Variants in UNC13B observed in about 807,000 individuals in gnomAD.
The protein encoded by UNC13B is protein unc-13 homolog B.
Under a neutral mutation model 211.0 loss-of-function variants are expected in UNC13B, and 144 were observed. The observed-to-expected ratio is 0.68, with a 90% CI of 0.60 to 0.78. UNC13B has a LOEUF of 0.78. Ranked by LOEUF, UNC13B falls within the 30% of genes least tolerant of loss-of-function variation. The probability of loss-of-function intolerance (pLI) is 0.00; values close to 1 mark genes in which losing one functional copy is unlikely to be tolerated. For missense variants in UNC13B, 1,777 were observed against 2,002.0 expected (o/e 0.89, Z 2.14); for synonymous variants, 709 against 725.8 (o/e 0.98, Z 0.37).
intron 11 of UNC13B, among the ~76,000 whole-genome samples, chr9:35,346,678 A>G (rs531360507): frequency 6.6e-6 from 1 of 152,234 alleles, no homozygotes; most frequent in East Asian, 1.9e-4. Context: ...ACAGAAAGGT[A>G]TGGTTTTTGT....
At position 35,399,201 on chromosome 9, in the gene UNC13B, A is replaced by G; in HGVS notation, c.12115A>G (p.Lys4039Glu). ...CACTGTGTGTGAGAAGACGGTTCTG[A>G]AGCGTGTACTGAAGGAGCTCTGGCG... The part of the protein sequence containing the change: ...FATVCEKTVL[K>E]RVLKELWRVV... Residue 4039 changes from lysine (K) to glutamate (E), a missense_variant, in exon 34 of 40, where the codon AAG (lysine) becomes GAG (glutamate). By Grantham distance (56) the Lys-to-Glu change is moderately conservative. Transcript: ENST00000635942. 1 of 1,614,066 alleles carries G rather than the reference A, an allele frequency of 6.2e-7. No individual in the cohort carries two copies. The highest frequency in any genetic ancestry group is 8.5e-7 in the Non-Finnish European group (1 of 1,180,000).
chr9:35,314,889 T>C (rs1830370341), intron 11 of UNC13B, among the ~76,000 whole-genome samples: 1 of 133,318 alleles, frequency 7.5e-6, no homozygotes, highest in African/African-American at 2.9e-5. Context: ...TTTTTTTTTT[T>C]TTTTTTTTTT....
intron 11 of UNC13B, among the ~76,000 whole-genome samples, chr9:35,360,085 T>C (rs915458777): frequency 2.0e-5 from 3 of 152,250 alleles, no homozygotes; most frequent in African/African-American, 4.8e-5. Context: ...AAAATACTTT[T>C]TCCCAGAACT....
At chr9:35,315,054 A>ATTT (rs1156782392) in intron 11 of UNC13B, among the ~76,000 whole-genome samples, 1 of 135,370 alleles carries the variant, frequency 7.4e-6, no homozygotes. Flanking sequence ...TTTAAAAAAA[A>ATTT]TTTTTTTTTT....
chr9:35,205,689 T>G (rs1046646359), intron 1 of UNC13B, among the ~76,000 whole-genome samples: 17 of 151,296 alleles, frequency 1.1e-4, no homozygotes, highest in African/African-American at 3.6e-4. Flanking sequence ...CTTAACATCA[T>G]TTTTTTAGGT....
chr9:35,173,554 G>T (rs1487598139), intron 1 of UNC13B, among the ~76,000 whole-genome samples: 1 of 151,814 alleles, frequency 6.6e-6, no homozygotes, highest in South Asian at 2.1e-4. Context: ...CTCGCGAGTA[G>T]TTGGGATTAC....
At chr9:35,331,310 G>A (rs1292275551) in intron 11 of UNC13B, among the ~76,000 whole-genome samples, 3 of 152,180 alleles carry the variant, frequency 2.0e-5, no homozygotes, top group African/African-American at 7.2e-5. Context: ...GTGTAGTGGC[G>A]TGATCTCGGC....
At chr9:35,358,384 A>G (rs906830002) in intron 11 of UNC13B, among the ~76,000 whole-genome samples, 1 of 152,182 alleles carries the variant, frequency 6.6e-6, no homozygotes, top group Non-Finnish European at 1.5e-5. Context: ...ACCATTTTCC[A>G]TGGTGGCTGC....
Position 35,303,585 on chromosome 9 carries a change from A to T in UNC13B, c.4181A>T (p.Asp1394Val). The T allele has an allele frequency of 2.5e-6, 1 of 398,746 alleles. No individual in the cohort carries two copies. The highest frequency in any genetic ancestry group is 4.4e-6 in the Non-Finnish European group (1 of 225,858). 24.7% of individuals were successfully genotyped at this position (398,746 alleles called of 1,614,324 possible). A position where few individuals can be genotyped will look rare whatever the true frequency, so the allele number is the denominator to read the frequency against. Residue 1394 changes from aspartate to valine, a missense_variant, in exon 9 of 40, where the codon GAC becomes GTC. Asp to Val is a radical substitution (Grantham distance 152, BLOSUM62 -3). Transcript: ENST00000635942. ...FLSADACLWLDSENSVINFCQ... is the reference protein window; with the variant it reads ...FLSADACLWLVSENSVINFCQ... ...TCAGCCGATGCTTGCTTGTGGCTTG[A>T]CTCAGAAAACTCAGTGATAAATTTT...
chr9:35,242,091 T>C (rs1825843615), intron 5 of UNC13B, among the ~76,000 whole-genome samples: 1 of 152,212 alleles, frequency 6.6e-6, no homozygotes, highest in African/African-American at 2.4e-5. Flanking sequence ...TTGATGTTTT[T>C]AAAAGGTGAG....
rs958540760 is a variant in UNC13B at position 35,167,048 on chromosome 9, A to G, written c.22+4743A>G. 2.7e-4 allele frequency among the ~76,000 whole-genome samples: 41 copies of G among 152,090 alleles called. 1 individual carries two copies. The highest frequency in any genetic ancestry group is 2.7e-3 in the Admixed American group (41 of 15,256). ...TTCTTAAAACATTATGAGATTTGTC[A>G]GCTATCATTAGTGTTAGTGTATTTT... On this transcript the variant is annotated intron_variant, in intron 1 of 39. Transcript: ENST00000635942.
chr9:35,238,501 T>C (rs1396707189), intron 5 of UNC13B, among the ~76,000 whole-genome samples: 1 of 152,190 alleles, frequency 6.6e-6, no homozygotes, highest in Non-Finnish European at 1.5e-5. Flanking sequence ...CTCCATGTTA[T>C]ACTTTAAGAT....
Position 35,381,728 on chromosome 9 carries a change from C to A in UNC13B, c.10655+9C>A. On this transcript the variant is annotated intron_variant, in intron 20 of 39. Coordinates refer to ENST00000635942, the MANE Select transcript of UNC13B (RefSeq NM_001371189.2). ...ATATATCAGGCCATGACGTGAGTCT[C>A]TGCTGCGGCACCGGGAAGTGGCTAC... is the stretch of plus-strand genomic sequence containing the variant. The A allele has an allele frequency of 6.2e-7, 1 of 1,612,046 alleles. No homozygotes were observed. The highest frequency in any genetic ancestry group is 1.1e-5 in the South Asian group (1 of 90,932).
rs1347159812 is a variant in UNC13B at position 35,376,239 on chromosome 9, G to A, written c.9827G>A (p.Cys3276Tyr). ...EKCQDLLNAD[C>Y]LQRAAEKSCK... Reference sequence around the variant, plus strand: ...TGCCAGGATCTGCTCAATGCTGACTGCCTGCAGCGTGAGTGCCCTGCGGGA... The same window carrying A: ...TGCCAGGATCTGCTCAATGCTGACTACCTGCAGCGTGAGTGCCCTGCGGGA... Residue 3276 changes from cysteine to tyrosine, a missense_variant, in exon 15 of 40, where the codon TGC becomes TAC. Transcript: ENST00000635942. 6.2e-7 allele frequency: 1 copy of A among 1,613,452 alleles called. No homozygotes were observed. The highest frequency in any genetic ancestry group is 8.5e-7 in the Non-Finnish European group (1 of 1,179,990).
At chr9:35,321,567 A>G (rs1292142390) in intron 11 of UNC13B, among the ~76,000 whole-genome samples, 1 of 152,210 alleles carries the variant, frequency 6.6e-6, no homozygotes, top group Non-Finnish European at 1.5e-5. Flanking sequence ...TTGTGCATAC[A>G]TCTGTTTTCA....
At chr9:35,291,767 A>G (rs1251106287) in intron 7 of UNC13B, among the ~76,000 whole-genome samples, 1 of 152,182 alleles carries the variant, frequency 6.6e-6, no homozygotes, top group Non-Finnish European at 1.5e-5. Flanking sequence ...CCCATCTTAC[A>G]GGATCTGGTT....
Position 35,397,630 on chromosome 9 carries a change from C to A in UNC13B, c.11677-5C>A. 6.2e-7 allele frequency: 1 copy of A among 1,612,508 alleles called. No homozygotes were observed. Among genetic ancestry groups the A allele is most frequent in the Middle Eastern group, 1.7e-4 (1 of 6,060 alleles). On this transcript the variant is annotated splice_polypyrimidine_tract_variant and splice_region_variant and intron_variant, in intron 29 of 39. Coordinates refer to ENST00000635942, the MANE Select transcript of UNC13B (RefSeq NM_001371189.2). Reference sequence around the variant, plus strand: ...TTCCTTTTCTTTCCTTTCTCCTCTTCTCAGACCATCGGGAAGGTGCTGATG... The same window carrying A: ...TTCCTTTTCTTTCCTTTCTCCTCTTATCAGACCATCGGGAAGGTGCTGATG...
intron 30 of UNC13B, 21 bp from the exon 31 acceptor site, chr9:35,398,190 C>T (rs979588581): frequency 6.0e-5 from 96 of 1,608,356 alleles, no homozygotes; most frequent in Non-Finnish European, 8.1e-5. Context: ...CAAGACTCAA[C>T]AGCTACATCT....
intron 1 of UNC13B, among the ~76,000 whole-genome samples, chr9:35,205,388 T>A (rs543922355): frequency 6.6e-6 from 1 of 152,214 alleles, no homozygotes; most frequent in African/African-American, 2.4e-5. Context: ...TGAGGTGTAG[T>A]TTGCATACCA....
Sources: allele counts gnomAD v4.1 joint callset (sites outside exome capture counted in the v4.1 genomes callset), GRCh38; gene constraint gnomAD v4.1.1; transcripts MANE v1.5; gene names NCBI Gene and HGNC (gene_info 2026-07-23, HGNC 2026-07-21).